The following SGCD variants were observed in gnomAD, a reference collection of about 807,000 sequenced individuals.
SGCD encodes sarcoglycan delta.
In SGCD, 18 loss-of-function variants were observed where a neutral mutation model predicts 36.6. The ratio of observed to expected loss-of-function variants is 0.49; its 90% CI spans 0.34 to 0.73. The LOEUF (loss-of-function observed/expected upper bound fraction) is 0.73. Among genes scored for constraint, SGCD ranks in the 30% least tolerant of loss-of-function variants. The pLI is 0.01. For missense variants in SGCD, 387 were observed against 346.7 expected, an observed-to-expected ratio of 1.12 and a Z score of -0.92; for synonymous variants, 133 against 130.6, an observed-to-expected ratio of 1.02 and a Z score of -0.12.
chr5:156,069,337 T>C (rs1445918267), intron 1 of SGCD, among the ~76,000 whole-genome samples: 21 of 152,184 alleles, frequency 1.4e-4, no homozygotes, highest in African/African-American at 3.4e-4. Flanking sequence ...CAGCTTTCCA[T>C]ATATGGCTAG....
intron 1 of SGCD, among the ~76,000 whole-genome samples, chr5:156,083,047 T>A (rs1038832442): frequency 1.7e-4 from 26 of 152,324 alleles, no homozygotes; most frequent in African/African-American, 6.3e-4. Flanking sequence ...CATATGCTTA[T>A]CTGCTATCTG....
rs187211517 is a variant in SGCD, at chr5:155,892,779, G to C, written c.-282+22355G>C. 3.7e-3 allele frequency among the ~76,000 whole-genome samples: 561 copies of C among 152,264 alleles called. 3 individuals are homozygous for C. Among genetic ancestry groups the C allele is most frequent in the South Asian group, 4.6e-3 (22 of 4,828 alleles). On this transcript the variant is annotated intron_variant, in intron 1 of 9. Coordinates refer to the SGCD transcript ENST00000517913. ...TTTTATGGCTGAATAGTATTACATT[G>C]TGTATATATACCACATTTTCTTTAG...
chr5:156,461,774 G>C (rs1029782267), intron 3 of SGCD, among the ~76,000 whole-genome samples: 1 of 152,076 alleles, frequency 6.6e-6, no homozygotes, highest in Non-Finnish European at 1.5e-5. Context: ...ATATGAAGTA[G>C]AAATCTCACA....
In SGCD at chr5:156,179,678, C is replaced by A. The variant is rs116366740; in HGVS notation, c.-44+55659C>A. On this transcript the variant is annotated intron_variant, in intron 3 of 9. Transcript: ENST00000517913. ...ACTCTATTGCCCAGGCTGGAGTGCA[C>A]TGGCGTGATCTCGGCTCACTGGAAC... is the stretch of plus-strand genomic sequence containing the variant. 7.3e-3 allele frequency among the ~76,000 whole-genome samples: 1,087 copies of A among 148,890 alleles called. 9 individuals carry two copies. The highest frequency in any genetic ancestry group is 0.012 in the Non-Finnish European group (842 of 67,486).
intron 3 of SGCD, among the ~76,000 whole-genome samples, chr5:156,451,001 A>G (rs1449751975): frequency 6.6e-6 from 1 of 152,132 alleles, no homozygotes; most frequent in African/African-American, 2.4e-5. Context: ...ATGGGCAGAC[A>G]GATTGGACAG....
At chr5:156,731,350 C>T (rs1407654351) in intron 7 of SGCD, among the ~76,000 whole-genome samples, 1 of 152,072 alleles carries the variant, frequency 6.6e-6, no homozygotes, top group Admixed American at 6.6e-5. Flanking sequence ...AGGTTGTTTT[C>T]CAGGGTTTTC....
At chr5:156,298,984 A>C (rs1335642649) in intron 3 of SGCD, among the ~76,000 whole-genome samples, 2 of 152,284 alleles carry the variant, frequency 1.3e-5, no homozygotes, top group East Asian at 3.9e-4. Context: ...TTGCCTGTGC[A>C]TGTGGGGTAT....
At chr5:155,758,936 G>T in the SGCD span, among the ~76,000 whole-genome samples, 5 of 152,054 alleles carry the variant, frequency 3.3e-5, no homozygotes, top group African/African-American at 7.2e-5. Context: ...TCAGTTTACC[G>T]TGATATTTGA....
chr5:156,001,266 A>G (rs955825314), intron 1 of SGCD, among the ~76,000 whole-genome samples: 8 of 152,208 alleles, frequency 5.3e-5, no homozygotes, highest in African/African-American at 1.7e-4. Context: ...AAGATTTTTG[A>G]AAAGCCTTCA....
At chr5:156,657,819 C>T (rs1362375786) in intron 7 of SGCD, among the ~76,000 whole-genome samples, 9 of 137,372 alleles carry the variant, frequency 6.6e-5, no homozygotes, top group African/African-American at 1.4e-4. Flanking sequence ...TAAGGGGACC[C>T]GGGGAACCAG....
rs150057638 is a variant in SGCD at position 156,684,399 on chromosome 5, C to T, written c.575+36863C>T. ...GGTTGAATAGTCTTTCACACCTTGA[C>T]CTCTGTTTTGCTCCTCTGCGCTATA... is the stretch of plus-strand genomic sequence containing the variant. On this transcript the variant is annotated intron_variant, in intron 7 of 8. Coordinates refer to ENST00000337851, the MANE Select transcript of SGCD (RefSeq NM_000337.6). Among the ~76,000 whole-genome samples the T allele has an allele frequency of 1.2e-3, 183 of 152,274 alleles. 1 individual carries two copies. Among genetic ancestry groups the T allele is most frequent in the African/African-American group, 3.9e-3 (162 of 41,552 alleles).
the SGCD span, among the ~76,000 whole-genome samples, chr5:155,793,558 A>G: frequency 6.7e-6 from 1 of 148,606 alleles, no homozygotes; most frequent in Non-Finnish European, 1.5e-5. Flanking sequence ...TTTTTTTTTT[A>G]AGAGATGGAG....
intron 3 of SGCD, among the ~76,000 whole-genome samples, chr5:156,214,442 G>A (rs925193195): frequency 6.6e-6 from 1 of 151,864 alleles, no homozygotes; most frequent in Admixed American, 6.6e-5. Flanking sequence ...ATGCAATATT[G>A]ATGAAAGAAA....
At chr5:155,917,952 C>T (rs1756789691) in intron 1 of SGCD, among the ~76,000 whole-genome samples, 1 of 152,160 alleles carries the variant, frequency 6.6e-6, no homozygotes, top group African/African-American at 2.4e-5. Context: ...TTCATTTACC[C>T]TGTTAGGAAC....
chr5:156,446,084 C>A (rs146596474), intron 3 of SGCD, among the ~76,000 whole-genome samples: 1 of 152,038 alleles, frequency 6.6e-6, no homozygotes, highest in Non-Finnish European at 1.5e-5. Context: ...GTGGTTGGTG[C>A]GAAAGCCACT....
At chr5:155,751,602 T>C in the SGCD span, among the ~76,000 whole-genome samples, 3 of 151,994 alleles carry the variant, frequency 2.0e-5, no homozygotes, top group Non-Finnish European at 4.4e-5. Context: ...TTGCCTAGGC[T>C]AGTCTCAAAC....
In SGCD at chr5:156,753,140, T is replaced by TG. The variant is rs372137406; in HGVS notation, c.576-4439dup. On this transcript the variant is annotated intron_variant, in intron 7 of 8. Transcript: ENST00000337851. ...CTTACTGAATCAGTAACTCTAGGGGTGGACCCAGCACTGTTTTCACAAGCC... is the reference window on the plus strand; with the variant it reads ...CTTACTGAATCAGTAACTCTAGGGGTGGGACCCAGCACTGTTTTCACAAGCC... Among the ~76,000 whole-genome samples the TG allele has an allele frequency of 3.0e-4, 45 of 152,270 alleles. 1 individual carries two copies. The highest frequency in any genetic ancestry group is 1.0e-3 in the African/African-American group (42 of 41,536).
chr5:156,236,210 A>G (rs1369795774), intron 3 of SGCD, among the ~76,000 whole-genome samples: 2 of 152,274 alleles, frequency 1.3e-5, no homozygotes, highest in African/African-American at 4.8e-5. Context: ...CAGATGTTCT[A>G]TATTTGAGAA....
chr5:156,239,124 G>A (rs1422075055), intron 3 of SGCD, among the ~76,000 whole-genome samples: 5 of 152,120 alleles, frequency 3.3e-5, no homozygotes, highest in Non-Finnish European at 5.9e-5. Context: ...TGGAGGCTGG[G>A]CATGGTGGCT....
Sources: gnomAD v4.1 joint callset for allele counts (sites outside exome capture counted in the v4.1 genomes callset) on GRCh38, gnomAD v4.1.1 for gene constraint, MANE v1.5 for transcripts, NCBI Gene and HGNC (gene_info 2026-07-23, HGNC 2026-07-21) for gene names.